Variants in SPINK8 observed in about 807,000 individuals in gnomAD.
The protein encoded by SPINK8 is serine peptidase inhibitor Kazal type 8 (putative).
A neutral mutation model predicts 14.4 loss-of-function variants in SPINK8; 12 were observed. The ratio of observed to expected loss-of-function variants is 0.83; its 90% CI spans 0.53 to 1.35. The LOEUF is 1.35. Among genes scored for constraint, SPINK8 ranks in the 40% most tolerant of loss-of-function variants. The pLI, the probability that SPINK8 is intolerant of heterozygous loss-of-function variation, is 0.00. For missense variants in SPINK8, 103 were observed against 117.0 expected (o/e 0.88, Z 0.55); for synonymous variants, 32 against 37.6 (o/e 0.85, Z 0.55).
intron 6 of SPINK8, among the ~76,000 whole-genome samples, chr3:48,317,621 T>A (rs929962736): frequency 6.6e-6 from 1 of 151,952 alleles, no homozygotes; most frequent in African/African-American, 2.4e-5. Context: ...GTTCATGCCA[T>A]TCTCCTGCCT....
chr3:48,323,935 T>A (rs1230870913), intron 4 of SPINK8, among the ~76,000 whole-genome samples: 1 of 151,930 alleles, frequency 6.6e-6, no homozygotes, highest in Admixed American at 6.6e-5. Context: ...CTTCAACTTT[T>A]TTTTTTTTTT....
chr3:48,321,776 T>C (rs2036079443), intron 4 of SPINK8, among the ~76,000 whole-genome samples: 1 of 151,330 alleles, frequency 6.6e-6, no homozygotes, highest in Admixed American at 6.6e-5. Context: ...ATCGCACCAT[T>C]ACACTTCAGC....
chr3:48,313,548 AG>A (rs1425123832), intron 6 of SPINK8, among the ~76,000 whole-genome samples: 2 of 152,222 alleles, frequency 1.3e-5, no homozygotes, highest in Non-Finnish European at 2.9e-5. Flanking sequence ...CCTATAGAAA[AG>A]TTTGATGGTT....
intron 2 of SPINK8, among the ~76,000 whole-genome samples, chr3:48,329,641 A>G (rs1469421524): frequency 2.0e-5 from 3 of 152,252 alleles, no homozygotes; most frequent in East Asian, 1.9e-4. Flanking sequence ...GATTATTTCT[A>G]TATTGACTTA....
At chr3:48,308,064 C>T (rs2035873841) in intron 7 of SPINK8, among the ~76,000 whole-genome samples, 1 of 149,196 alleles carries the variant, frequency 6.7e-6, no homozygotes, top group Admixed American at 6.8e-5. Flanking sequence ...AGCTCCACCT[C>T]CCGGGTTCAT....
intron 1 of SPINK8, among the ~76,000 whole-genome samples, chr3:48,333,018 G>A (rs890009188): frequency 1.3e-5 from 2 of 152,040 alleles, no homozygotes; most frequent in African/African-American, 4.8e-5. Context: ...TTGTGTTGAA[G>A]GGGGGTCATT....
intron 6 of SPINK8, chr3:48,316,441 G>A (rs2035994227): frequency 6.4e-6 from 1 of 155,644 alleles, no homozygotes; most frequent in South Asian, 2.0e-4. Context: ...ATGGAAGCTG[G>A]AAGCAGTGGG....
At chr3:48,311,251 A>C (rs1560014260) in intron 6 of SPINK8, among the ~76,000 whole-genome samples, 1 of 152,234 alleles carries the variant, frequency 6.6e-6, no homozygotes, top group Non-Finnish European at 1.5e-5. Flanking sequence ...CTTCAACACG[A>C]TAAAGAACAC....
intron 4 of SPINK8, among the ~76,000 whole-genome samples, chr3:48,328,019 G>A (rs1358701073): frequency 6.6e-6 from 1 of 152,136 alleles, no homozygotes; most frequent in Non-Finnish European, 1.5e-5. Flanking sequence ...CATTTCTGAG[G>A]TTTAAATATC....
chr3:48,331,412 CCCTTT>C (rs2036258793), intron 2 of SPINK8, among the ~76,000 whole-genome samples: 1 of 152,114 alleles, frequency 6.6e-6, no homozygotes, highest in Non-Finnish European at 1.5e-5. Flanking sequence ...CTTTCTATTT[CCCTTT>C]CCTTTCCTTT....
chr3:48,332,565 C>T (rs576951419), intron 1 of SPINK8, among the ~76,000 whole-genome samples, 94 bp from the exon 2 acceptor site: 9 of 152,276 alleles, frequency 5.9e-5, no homozygotes, highest in Non-Finnish European at 1.2e-4. Flanking sequence ...GTCTGCGGCA[C>T]CAATCTCCAC....
At chr3:48,333,245 G>C (rs1440638036) in intron 1 of SPINK8, among the ~76,000 whole-genome samples, 1 of 152,204 alleles carries the variant, frequency 6.6e-6, no homozygotes, top group Non-Finnish European at 1.5e-5. Flanking sequence ...TGGAGGGCAT[G>C]TTTCTCCCTC....
At chr3:48,325,221 G>T (rs1004362451) in intron 4 of SPINK8, among the ~76,000 whole-genome samples, 3 of 150,866 alleles carry the variant, frequency 2.0e-5, no homozygotes, top group Non-Finnish European at 4.4e-5. Context: ...TTGGATGTTG[G>T]TTTTTTTTTG....
At chr3:48,317,628 G>C (rs2036010960) in intron 6 of SPINK8, among the ~76,000 whole-genome samples, 1 of 151,912 alleles carries the variant, frequency 6.6e-6, no homozygotes, top group Non-Finnish European at 1.5e-5. Context: ...CCATTCTCCT[G>C]CCTGAGCCTC....
intron 7 of SPINK8, among the ~76,000 whole-genome samples, chr3:48,308,056 C>T (rs2035873646): frequency 6.8e-6 from 1 of 146,838 alleles, no homozygotes; most frequent in South Asian, 2.1e-4. Flanking sequence ...TTACTGCAAG[C>T]TCCACCTCCC....
At chr3:48,326,633 G>A (rs1401158608) in intron 4 of SPINK8, among the ~76,000 whole-genome samples, 2 of 151,944 alleles carry the variant, frequency 1.3e-5, no homozygotes, top group African/African-American at 2.4e-5. Context: ...GTGTGGCCGG[G>A]TGAGGTGGCT....
chr3:48,313,165 G>A (rs772649380), intron 6 of SPINK8, among the ~76,000 whole-genome samples: 1 of 152,090 alleles, frequency 6.6e-6, no homozygotes, highest in Admixed American at 6.5e-5. Context: ...TAAAAACTTT[G>A]TGCATCAAAG....
intron 6 of SPINK8, among the ~76,000 whole-genome samples, chr3:48,315,286 T>G (rs1054618737): frequency 3.3e-5 from 5 of 152,190 alleles, no homozygotes; most frequent in Non-Finnish European, 5.9e-5. Context: ...TATTCAATTT[T>G]CAACAAAATA....
intron 7 of SPINK8, among the ~76,000 whole-genome samples, chr3:48,307,543 C>G (rs921238700): frequency 1.4e-5 from 2 of 147,638 alleles, no homozygotes; most frequent in African/African-American, 5.2e-5. Flanking sequence ...TGCCCCCCAC[C>G]CCCCCACCTC....
Sources: gnomAD v4.1 joint callset for allele counts (sites outside exome capture counted in the v4.1 genomes callset) on GRCh38, gnomAD v4.1.1 for gene constraint, MANE v1.5 for transcripts, NCBI Gene and HGNC (gene_info 2026-07-23, HGNC 2026-07-21) for gene names.